ST6GALNAC3: variants seen among roughly 807,000 people sequenced by gnomAD.
ST6GALNAC3 encodes the protein alpha-N-acetylgalactosaminide alpha-2,6-sialyltransferase 3.
In ST6GALNAC3, 25 loss-of-function variants were observed where a neutral mutation model predicts 32.7. The ratio of observed to expected loss-of-function variants is 0.76; its 90% CI spans 0.56 to 1.07. ST6GALNAC3 has a LOEUF of 1.07. Ranked by LOEUF, ST6GALNAC3 falls within the 50% of genes least tolerant of loss-of-function variation. ST6GALNAC3 has a pLI of 0.00. For missense variants in ST6GALNAC3, 355 were observed against 382.4 expected (o/e 0.93, Z 0.60); for synonymous variants, 129 against 133.1 (o/e 0.97, Z 0.21).
intron 3 of ST6GALNAC3, among the ~76,000 whole-genome samples, chr1:76,480,615 G>T (rs1047291231): frequency 6.6e-6 from 1 of 152,094 alleles, no homozygotes; most frequent in Admixed American, 6.6e-5. Context: ...AGTAGATAAA[G>T]ATCCTTTCAT....
intron 3 of ST6GALNAC3, among the ~76,000 whole-genome samples, chr1:76,581,379 A>G (rs966031395): frequency 6.6e-6 from 1 of 152,174 alleles, no homozygotes; most frequent in Non-Finnish European, 1.5e-5. Context: ...AGCCACCCCA[A>G]TTGGGAAGAG....
chr1:76,584,418 C>T (rs767645438), intron 3 of ST6GALNAC3, among the ~76,000 whole-genome samples: 5 of 152,186 alleles, frequency 3.3e-5, no homozygotes, highest in Non-Finnish European at 7.3e-5. Flanking sequence ...AGCCCAATTC[C>T]TCCTGCTGCA....
intron 1 of ST6GALNAC3, among the ~76,000 whole-genome samples, chr1:76,131,942 A>G (rs1649636025): frequency 6.6e-6 from 1 of 152,162 alleles, no homozygotes; most frequent in African/African-American, 2.4e-5. Flanking sequence ...GGGTACCATG[A>G]TCATTGCTGC....
At position 76,555,401 on chromosome 1, in the gene ST6GALNAC3, G is replaced by A. The variant is rs111657994; in HGVS notation, c.624-72051G>A. Among the ~76,000 whole-genome samples the A allele has an allele frequency of 4.3e-4, 66 of 152,166 alleles. 2 individuals are homozygous for A. The highest frequency in any genetic ancestry group is 1.5e-3 in the African/African-American group (61 of 41,534). On this transcript the variant is annotated intron_variant, in intron 3 of 4. Coordinates refer to ENST00000328299, the MANE Select transcript of ST6GALNAC3 (RefSeq NM_152996.4). ...AAAATGATGGGGCAGGGAGAGAGTG[G>A]GTGACTCCTTCTCTTAAAGGATTCT...
chr1:76,446,520 G>A (rs555718696), intron 3 of ST6GALNAC3, among the ~76,000 whole-genome samples: 13 of 152,162 alleles, frequency 8.5e-5, no homozygotes, highest in Admixed American at 3.3e-4. Context: ...TGGCGACCAC[G>A]GATCTTGTTA....
At chr1:76,304,070 A>G (rs1230496739) in intron 1 of ST6GALNAC3, among the ~76,000 whole-genome samples, 2 of 152,084 alleles carry the variant, frequency 1.3e-5, no homozygotes, top group Admixed American at 1.3e-4. Flanking sequence ...ATGAAAAAAC[A>G]TATTTTTATA....
chr1:76,183,052 A>G (rs528074030), intron 1 of ST6GALNAC3, among the ~76,000 whole-genome samples: 114 of 152,236 alleles, frequency 7.5e-4, no homozygotes, highest in African/African-American at 2.6e-3. Flanking sequence ...TGCAGTTCTA[A>G]TGCAGATCTG....
chr1:76,604,330 A>T (rs552563791), intron 3 of ST6GALNAC3, among the ~76,000 whole-genome samples: 1 of 152,338 alleles, frequency 6.6e-6, no homozygotes, highest in South Asian at 2.1e-4. Context: ...GAAATTCGTA[A>T]GTAAGCACCT....
At chr1:76,564,769 TAG>T (rs1447668265) in intron 3 of ST6GALNAC3, among the ~76,000 whole-genome samples, 1 of 152,018 alleles carries the variant, frequency 6.6e-6, no homozygotes, top group Non-Finnish European at 1.5e-5. Context: ...GTATTTTTAG[TAG>T]AGACGGGGTT....
intron 3 of ST6GALNAC3, among the ~76,000 whole-genome samples, chr1:76,454,591 A>G (rs892168981): frequency 6.6e-6 from 1 of 152,170 alleles, no homozygotes; most frequent in Non-Finnish European, 1.5e-5. Flanking sequence ...GTTTTGTTTA[A>G]GGAGACTGAA....
intron 3 of ST6GALNAC3, among the ~76,000 whole-genome samples, chr1:76,414,695 C>A (rs568159617): frequency 1.3e-5 from 2 of 152,102 alleles, no homozygotes; most frequent in South Asian, 4.2e-4. Context: ...TTCATCTATA[C>A]CCCTACACAC....
chr1:76,276,399 A>G (rs1659137114), intron 1 of ST6GALNAC3, among the ~76,000 whole-genome samples: 1 of 152,040 alleles, frequency 6.6e-6, no homozygotes, highest in Non-Finnish European at 1.5e-5. Context: ...ATGATTTTAG[A>G]TTTTGTGATA....
At position 76,218,777 on chromosome 1, in the gene ST6GALNAC3, T is replaced by A. The variant is rs188368782; in HGVS notation, c.19-95028T>A. 6.5e-3 allele frequency among the ~76,000 whole-genome samples: 987 copies of A among 152,310 alleles called. 32 individuals are homozygous for A. The highest frequency in any genetic ancestry group is 0.057 in the Admixed American group (876 of 15,298). On this transcript the variant is annotated intron_variant, in intron 1 of 4. Transcript: ENST00000328299. ...AGCAAAGGCTTTAGAATCTGGCAGATCTATGTTTGAATCCCAGCTCTGCCA... is the reference window on the plus strand; with the variant it reads ...AGCAAAGGCTTTAGAATCTGGCAGAACTATGTTTGAATCCCAGCTCTGCCA...
At chr1:76,562,141 C>A (rs1244358826) in intron 3 of ST6GALNAC3, among the ~76,000 whole-genome samples, 1 of 152,032 alleles carries the variant, frequency 6.6e-6, no homozygotes, top group Non-Finnish European at 1.5e-5. Flanking sequence ...AGTGTTTCTC[C>A]TTGGGCTGAT....
intron 3 of ST6GALNAC3, among the ~76,000 whole-genome samples, chr1:76,532,232 G>T (rs1279192242): frequency 6.6e-6 from 1 of 152,166 alleles, no homozygotes; most frequent in East Asian, 1.9e-4. Flanking sequence ...ACCCAGGGAA[G>T]GTATTTGCCT....
intron 1 of ST6GALNAC3, among the ~76,000 whole-genome samples, chr1:76,304,755 G>A (rs948083228): frequency 2.0e-5 from 3 of 151,998 alleles, no homozygotes; most frequent in African/African-American, 7.2e-5. Flanking sequence ...CATTATCATC[G>A]TAGTCATTTT....
chr1:76,576,946 G>T (rs28439552), intron 3 of ST6GALNAC3: 20 of 1,271,754 alleles, frequency 1.6e-5, no homozygotes, highest in Admixed American at 1.3e-4. Context: ...AAGAAAGAAA[G>T]AAACAAACAA....
intron 2 of ST6GALNAC3, among the ~76,000 whole-genome samples, chr1:76,355,968 A>G (rs981787057): frequency 6.6e-6 from 1 of 152,174 alleles, no homozygotes; most frequent in African/African-American, 2.4e-5. Context: ...TTTTTTTTCA[A>G]AATAATATAT....
intron 2 of ST6GALNAC3, among the ~76,000 whole-genome samples, chr1:76,383,167 G>A (rs1204424138): frequency 2.0e-5 from 3 of 152,122 alleles, no homozygotes; most frequent in South Asian, 2.1e-4. Flanking sequence ...TCTATATCAA[G>A]TGAAAATATC....
Sources: allele counts gnomAD v4.1 joint callset (sites outside exome capture counted in the v4.1 genomes callset), GRCh38; gene constraint gnomAD v4.1.1; transcripts MANE v1.5; gene names NCBI Gene and HGNC (gene_info 2026-07-23, HGNC 2026-07-21).